The following DST variants were observed in gnomAD, a reference collection of about 807,000 sequenced individuals.
The protein encoded by DST is bullous pemphigoid antigen.
DST carries 253 observed loss-of-function variants against 875.2 expected under a neutral mutation model. The ratio of observed to expected loss-of-function variants is 0.29; its 90% CI spans 0.26 to 0.32. The LOEUF is 0.32. Among genes scored for constraint, DST ranks in the 10% least tolerant of loss-of-function variants. DST has a pLI of 1.00. For missense variants in DST, 8,287 were observed against 9,111.6 expected, an observed-to-expected ratio of 0.91 and a Z score of 3.68; for synonymous variants, 3,124 against 3,197.1, an observed-to-expected ratio of 0.98 and a Z score of 0.77.
intron 9 of DST, among the ~76,000 whole-genome samples, chr6:56,688,940 A>T (rs1032464059): frequency 6.6e-6 from 1 of 152,200 alleles, no homozygotes; most frequent in African/African-American, 2.4e-5. Context: ...ATGCACATGA[A>T]TTCACAGAAA....
At position 56,506,720 on chromosome 6, in the gene DST, T is replaced by G; in HGVS notation, c.19309A>C (p.Ile6437Leu). ...TTATCAGGCTCCCCACATGCCGCAA[T>G]GAGTTCAGAACCTAGGTTAATAACT... ...DIVINLGSEL[I>L]AACGEPDKPI... Residue 6437 changes from isoleucine to leucine, a missense_variant, in exon 76 of 104, where the codon ATT becomes CTT. This residue lies in a region of DST where 1,292 missense variants were observed against 1,552.7 expected (regional missense o/e 0.83). Coordinates refer to ENST00000680361, the MANE Select transcript of DST (RefSeq NM_001374736.1). 6.2e-7 allele frequency: 1 copy of G among 1,613,700 alleles called. No individual in the cohort carries two copies. The highest frequency in any genetic ancestry group is 1.7e-4 in the Middle Eastern group (1 of 6,054).
At chr6:56,545,875 C>T (rs1296112234) in intron 61 of DST, among the ~76,000 whole-genome samples, 2 of 152,136 alleles carry the variant, frequency 1.3e-5, no homozygotes, top group African/African-American at 2.4e-5. Context: ...GCTGCAAGTA[C>T]ATAAACAGGC....
At chr6:56,600,533 C>A (rs944210798) in intron 44 of DST, among the ~76,000 whole-genome samples, 1 of 151,888 alleles carries the variant, frequency 6.6e-6, no homozygotes, top group Non-Finnish European at 1.5e-5. Flanking sequence ...TTGAAACCTG[C>A]GACACATAGA....
chr6:56,848,089 G>C (rs1388224634), intron 4 of DST, among the ~76,000 whole-genome samples: 4 of 152,070 alleles, frequency 2.6e-5, no homozygotes, highest in African/African-American at 9.7e-5. Context: ...GCTAACTATA[G>C]ATATCCTACT....
At chr6:56,668,576 T>C (rs1266423847) in intron 10 of DST, among the ~76,000 whole-genome samples, 2 of 151,986 alleles carry the variant, frequency 1.3e-5, no homozygotes, top group East Asian at 1.9e-4. Flanking sequence ...ATCCTGTCTC[T>C]ACTAAAAATA....
chr6:56,600,279 G>A, intron 44 of DST, 58 bp from the exon 45 acceptor site: 2 of 1,509,406 alleles, frequency 1.3e-6, no homozygotes, highest in Non-Finnish European at 1.8e-6. Context: ...AATCGCTATT[G>A]TGATAGCTTC....
At chr6:56,653,380 G>A (rs1285051771) in intron 10 of DST, among the ~76,000 whole-genome samples, 1 of 152,048 alleles carries the variant, frequency 6.6e-6, no homozygotes, top group East Asian at 1.9e-4. Flanking sequence ...ATGGGAAAAG[G>A]GAAAACTTTA....
chr6:56,721,299 T>C (rs1177632834), intron 5 of DST, among the ~76,000 whole-genome samples: 1 of 152,236 alleles, frequency 6.6e-6, no homozygotes, highest in Non-Finnish European at 1.5e-5. Flanking sequence ...CTACAATTTG[T>C]GCAGTTAACG....
intron 49 of DST, among the ~76,000 whole-genome samples, chr6:56,588,462 C>G (rs921140320): frequency 7.9e-5 from 12 of 152,144 alleles, no homozygotes; most frequent in African/African-American, 2.9e-4. Context: ...ACAGGAAATC[C>G]CATAAATACC....
At chr6:56,519,036 A>G (rs1488503268) in intron 69 of DST, among the ~76,000 whole-genome samples, 2 of 152,172 alleles carry the variant, frequency 1.3e-5, no homozygotes, top group Admixed American at 1.3e-4. Flanking sequence ...TATATAAAAC[A>G]TACATAAGAA....
chr6:56,670,051 G>A (rs1039352477), intron 10 of DST, among the ~76,000 whole-genome samples: 1 of 151,938 alleles, frequency 6.6e-6, no homozygotes, highest in African/African-American at 2.4e-5. Context: ...CAGTTCTTTA[G>A]AGGCAAAATC....
At chr6:56,799,550 C>T (rs2099744302) in intron 4 of DST, among the ~76,000 whole-genome samples, 1 of 151,768 alleles carries the variant, frequency 6.6e-6, no homozygotes, top group Non-Finnish European at 1.5e-5. Flanking sequence ...GATTATGACT[C>T]GCTGAAGGCT....
At chr6:56,650,221 G>C (rs2098967006) in intron 12 of DST, among the ~76,000 whole-genome samples, 1 of 151,054 alleles carries the variant, frequency 6.6e-6, no homozygotes, top group African/African-American at 2.4e-5. Flanking sequence ...TCTGCAAAGA[G>C]GAAGGCAGAA....
chr6:56,557,551 A>G, intron 58 of DST, 33 bp from the exon 59 acceptor site: 2 of 1,528,378 alleles, frequency 1.3e-6, no homozygotes, highest in South Asian at 2.3e-5. Context: ...GGTGTTTGAC[A>G]TTTTTTGCAT....
chr6:56,616,248 T>C lies in DST; in HGVS notation c.4930-1764A>G, dbSNP rs763849253. The stretch of plus-strand genomic sequence containing the variant: ...GCTTTGTCAATTGTTCCCTGCTCTA[T>C]AGCCTCATTAATATTGAAGTGTAAT... On this transcript the variant is annotated intron_variant, in intron 36 of 103. Transcript: ENST00000680361. 18 of 1,614,026 alleles carry C rather than the reference T, an allele frequency of 1.1e-5. No individual in the cohort carries two copies. The highest frequency in any genetic ancestry group is 1.4e-5 in the Non-Finnish European group (17 of 1,180,020).
chr6:56,742,157 G>C, intron 4 of DST: 1 of 602,350 alleles, frequency 1.7e-6, no homozygotes, highest in Non-Finnish European at 2.7e-6. Flanking sequence ...ACAGGTTTTC[G>C]AAAGATGCCC....
intron 24 of DST, 29 bp downstream of exon 24, chr6:56,635,560 T>G (rs1258345404): frequency 1.2e-6 from 2 of 1,610,396 alleles, no homozygotes; most frequent in Middle Eastern, 1.7e-4. Context: ...TATGCATACT[T>G]ATAAAATGCA....
At chr6:56,568,168 A>G (rs1585116401) in intron 55 of DST, among the ~76,000 whole-genome samples, 1 of 152,216 alleles carries the variant, frequency 6.6e-6, no homozygotes, top group East Asian at 1.9e-4. Flanking sequence ...ATTAAGGTAA[A>G]AAGCAAACAA....
At chr6:56,725,494 A>G (rs76630881) in intron 5 of DST, among the ~76,000 whole-genome samples, 10,828 of 152,206 alleles carry the variant, frequency 0.071, 1,223 homozygotes, top group African/African-American at 0.24. Flanking sequence ...AAACATGAAC[A>G]CTCTGGAAAA....
Sources: allele counts gnomAD v4.1 joint callset (sites outside exome capture counted in the v4.1 genomes callset), GRCh38; gene constraint gnomAD v4.1.1; regional missense constraint gnomAD v4.1.1; transcripts MANE v1.5; gene names NCBI Gene and HGNC (gene_info 2026-07-23, HGNC 2026-07-21).